The following NTN4 variants were observed in gnomAD, a reference collection of about 807,000 sequenced individuals.
NTN4 encodes the protein netrin-4.
A neutral mutation model predicts 73.6 loss-of-function variants in NTN4; 32 were observed. The ratio of observed to expected loss-of-function variants is 0.44; its 90% CI spans 0.33 to 0.58. The LOEUF (loss-of-function observed/expected upper bound fraction) is 0.58. Ranked by LOEUF, NTN4 falls within the 20% of genes least tolerant of loss-of-function variation. NTN4 has a pLI of 0.04. For synonymous variants in NTN4, 258 were observed against 287.5 expected, an observed-to-expected ratio of 0.90 and a Z score of 1.04; for missense variants, 654 against 798.3, an observed-to-expected ratio of 0.82 and a Z score of 2.18.
intron 2 of NTN4, 104 bp downstream of exon 2, chr12:95,786,835 T>A: frequency 4.6e-6 from 4 of 863,972 alleles, no homozygotes; most frequent in Non-Finnish European, 7.2e-6. Context: ...AATTCTAATT[T>A]CATTCATGTT....
Position 95,705,590 on chromosome 12 carries a change from T to C in NTN4, c.1180+4851A>G, listed in dbSNP as rs190845647. Among the ~76,000 whole-genome samples, 477 of 152,340 alleles carry C rather than the reference T, an allele frequency of 3.1e-3. 1 individual carries two copies. The highest frequency in any genetic ancestry group is 5.3e-3 in the Non-Finnish European group (359 of 68,036). ...TTGATTTTTCTCTCTGATGGGAATA[T>C]CTCTACTCATGCTTTGTTAATTTCC... On this transcript the variant is annotated intron_variant, in intron 5 of 9. Transcript: ENST00000343702.
At position 95,789,191 on chromosome 12, in the gene NTN4, T is replaced by C. The variant is rs150384260; in HGVS notation, c.55+1064A>G. Among the ~76,000 whole-genome samples the C allele has an allele frequency of 5.9e-3, 898 of 152,310 alleles. 12 individuals carry two copies. Among genetic ancestry groups the C allele is most frequent in the African/African-American group, 0.02 (841 of 41,558 alleles). ...TTCAATGATACTAAGGATGCTCCTGTGACTTGGACTGGTTTGGGATGCAGA... is the reference window on the plus strand; with the variant it reads ...TTCAATGATACTAAGGATGCTCCTGCGACTTGGACTGGTTTGGGATGCAGA... On this transcript the variant is annotated intron_variant, in intron 1 of 9. Transcript: ENST00000343702. This position sits in a 1 kb window ranked among gnomAD's most constrained non-coding sequence, Gnocchi z 4.0.
At chr12:95,753,977 T>C (rs1422773251) in intron 2 of NTN4, among the ~76,000 whole-genome samples, 2 of 152,144 alleles carry the variant, frequency 1.3e-5, no homozygotes, top group African/African-American at 4.8e-5. Context: ...ACACTGCCGG[T>C]TTACACTGTT....
intron 5 of NTN4, among the ~76,000 whole-genome samples, chr12:95,695,703 T>C (rs2078436373): frequency 6.6e-6 from 1 of 152,208 alleles, no homozygotes; most frequent in South Asian, 2.1e-4. Context: ...AGATTCCCTA[T>C]TTAATTTCTG....
chr12:95,708,280 ATTTATTTATTT>A (rs2078535794), intron 5 of NTN4, among the ~76,000 whole-genome samples: 1 of 147,120 alleles, frequency 6.8e-6, no homozygotes, highest in Admixed American at 6.8e-5. Context: ...TTATTTATTT[ATTTATTTATTT>A]ATTTATTTAT....
At chr12:95,739,612 T>C (rs1314767093) in intron 2 of NTN4, among the ~76,000 whole-genome samples, 1 of 152,190 alleles carries the variant, frequency 6.6e-6, no homozygotes, top group Non-Finnish European at 1.5e-5. Flanking sequence ...AACACTGACA[T>C]TTCTGTTAGA....
At chr12:95,684,474 A>T (rs12313297) in intron 5 of NTN4, among the ~76,000 whole-genome samples, 29,344 of 149,014 alleles carry the variant, frequency 0.2, 3,405 homozygotes, top group Non-Finnish European at 0.26. Flanking sequence ...ACTTAAAAAA[A>T]ATTTTTTTTT....
intron 2 of NTN4, among the ~76,000 whole-genome samples, chr12:95,738,621 A>G (rs1477789188): frequency 3.3e-5 from 5 of 152,220 alleles, no homozygotes; most frequent in Middle Eastern, 3.2e-3. Context: ...TGCTGACTGT[A>G]GCGGAAGCCA....
intron 2 of NTN4, among the ~76,000 whole-genome samples, chr12:95,748,221 A>C (rs1268154887): frequency 1.6e-5 from 2 of 125,942 alleles, no homozygotes; most frequent in Non-Finnish European, 1.7e-5. Flanking sequence ...ACAGAGCAAG[A>C]CTCTGTCTCA....
chr12:95,718,288 C>T (rs2078622330), intron 3 of NTN4, among the ~76,000 whole-genome samples: 1 of 152,154 alleles, frequency 6.6e-6, no homozygotes, highest in African/African-American at 2.4e-5. Context: ...GCTGCTTTTT[C>T]ATTGTCCTTC....
At chr12:95,750,833 CT>C (rs1565907105) in intron 2 of NTN4, among the ~76,000 whole-genome samples, 1 of 152,072 alleles carries the variant, frequency 6.6e-6, no homozygotes, top group East Asian at 1.9e-4. Flanking sequence ...CCCTATAATC[CT>C]TTTATCACCT....
chr12:95,721,017 C>T (rs1323364256), intron 3 of NTN4, among the ~76,000 whole-genome samples: 2 of 152,176 alleles, frequency 1.3e-5, no homozygotes, highest in Non-Finnish European at 2.9e-5. Context: ...GTAATCGGCC[C>T]AAGGCCACAA....
chr12:95,712,721 C>T (rs1194450241), intron 4 of NTN4, among the ~76,000 whole-genome samples: 1 of 151,846 alleles, frequency 6.6e-6, no homozygotes, highest in African/African-American at 2.4e-5. Context: ...TGTGCCTCAG[C>T]CTCCCAAGTA....
chr12:95,659,097 C>G lies in NTN4; in HGVS notation c.1876G>C (p.Glu626Gln), dbSNP rs774507203. The G allele has an allele frequency of 6.2e-6, 10 of 1,611,678 alleles. No homozygotes were observed. The African/African-American group carries it at 1.3e-4, about 22-fold the overall frequency. ...TATCCATCTTAATGCTACTTGCACTCTCTTTTTAAAATATCCATGACTTTT... is the reference window on the plus strand; with the variant it reads ...TATCCATCTTAATGCTACTTGCACTGTCTTTTTAAAATATCCATGACTTTT... ...GRKVMDILKR[E>Q]CK is the part of the protein sequence containing the mutation. The change falls in exon 10 of 10, where the codon GAG becomes CAG. Residue 626 changes from glutamate (E) to glutamine (Q), a missense_variant. Physicochemically the swap from Glu to Gln is conservative, Grantham distance 29. Transcript: ENST00000343702.
chr12:95,777,365 G>A (rs1399623051), intron 2 of NTN4, among the ~76,000 whole-genome samples: 3 of 152,230 alleles, frequency 2.0e-5, no homozygotes, highest in East Asian at 3.9e-4. Flanking sequence ...GCACAGACTG[G>A]CAAATTGGAT....
In NTN4 at chr12:95,725,006, A is replaced by AGGATTTTTTTT. The variant is rs1454896864; in HGVS notation, c.865-11669_865-11668insAAAAAAAATCC. On this transcript the variant is annotated intron_variant, in intron 3 of 9. Coordinates refer to ENST00000343702, the MANE Select transcript of NTN4 (RefSeq NM_021229.4). Reference sequence around the variant, plus strand: ...ATCTTAGAACAGTGATGTCATCAGGATTTTTTTTTTTTTTTTGCTTCCCAC... The same window carrying AGGATTTTTTTT: ...ATCTTAGAACAGTGATGTCATCAGGAGGATTTTTTTTTTTTTTTTTTTTTTTTGCTTCCCAC... 2.5e-3 allele frequency among the ~76,000 whole-genome samples: 335 copies of AGGATTTTTTTT among 135,814 alleles called. 39 individuals carry two copies. The highest frequency in any genetic ancestry group is 3.8e-3 in the Admixed American group (51 of 13,554). The allele number at this position is 135,814 out of a possible 152,430, so 89.1% of individuals were successfully genotyped here.
rs1454896864 is a variant in NTN4, at chr12:95,725,006, A to AGGATTTT, written c.865-11669_865-11668insAAAATCC. ...ATCTTAGAACAGTGATGTCATCAGG[A>AGGATTTT]TTTTTTTTTTTTTTTTGCTTCCCAC... is the stretch of plus-strand genomic sequence containing the variant. On this transcript the variant is annotated intron_variant, in intron 3 of 9. Coordinates refer to ENST00000343702, the MANE Select transcript of NTN4 (RefSeq NM_021229.4). Among the ~76,000 whole-genome samples, 26 of 135,836 alleles carry AGGATTTT rather than the reference A, an allele frequency of 1.9e-4. 3 individuals are homozygous for AGGATTTT. The highest frequency in any genetic ancestry group is 3.4e-4 in the Non-Finnish European group (21 of 62,468). The allele number at this position is 135,836 out of a possible 152,430, so 89.1% of individuals were successfully genotyped here. A position where few individuals can be genotyped will look rare whatever the true frequency, so the allele number is the denominator to read the frequency against.
chr12:95,790,695 C>A lies in NTN4; in HGVS notation c.-386G>T. 1 of 163,046 alleles carries A rather than the reference C, an allele frequency of 6.1e-6. No homozygotes were observed. Among genetic ancestry groups the A allele is most frequent in the South Asian group, 1.8e-4 (1 of 5,664 alleles). 10.1% of individuals were successfully genotyped at this position (163,046 alleles called of 1,614,324 possible). A position where few individuals can be genotyped will look rare whatever the true frequency, so the allele number is the denominator to read the frequency against. On this transcript the variant is annotated 5_prime_UTR_variant, in exon 1 of 10. It adds an upstream start codon to the 5' untranslated region. Coordinates refer to ENST00000343702, the MANE Select transcript of NTN4 (RefSeq NM_021229.4). The surrounding 1 kb of genome is among the most constrained non-coding windows in gnomAD (Gnocchi z 6.5). The stretch of plus-strand genomic sequence containing the variant: ...TTCACTTCCCGGCCGCCGCCGCCGC[C>A]TCCTCCTGGGCGTCCTCCTCCGCTT...
chr12:95,782,702 T>C (rs993308404), intron 2 of NTN4, among the ~76,000 whole-genome samples: 1 of 152,232 alleles, frequency 6.6e-6, no homozygotes, highest in Non-Finnish European at 1.5e-5. Context: ...GAATGGTACA[T>C]TTTCATAATG....
Sources: allele counts gnomAD v4.1 joint callset (sites outside exome capture counted in the v4.1 genomes callset), GRCh38; gene constraint gnomAD v4.1.1; non-coding constraint Gnocchi (gnomAD v3.1); transcripts MANE v1.5; gene names NCBI Gene and HGNC (gene_info 2026-07-23, HGNC 2026-07-21).